Variants in ME3 observed in about 807,000 individuals in gnomAD.
ME3 encodes the protein malic enzyme 3.
In ME3, 48 loss-of-function variants were observed where a neutral mutation model predicts 68.9. The observed-to-expected ratio is 0.70, with a 90% CI of 0.55 to 0.89. The LOEUF is 0.89. Ranked by LOEUF, ME3 falls within the 40% of genes least tolerant of loss-of-function variation. The probability of loss-of-function intolerance (pLI) is 0.00; values close to 1 mark genes in which losing one functional copy is unlikely to be tolerated. For synonymous variants in ME3, 320 were observed against 318.8 expected (o/e 1.00, Z -0.04); for missense variants, 675 against 797.4 (o/e 0.85, Z 1.85).
chr11:86,505,226 G>C (rs1297680744), intron 5 of ME3, among the ~76,000 whole-genome samples: 1 of 149,744 alleles, frequency 6.7e-6, no homozygotes, highest in Non-Finnish European at 1.5e-5. Flanking sequence ...CTGTGGCTTG[G>C]AAATTCTAAA....
rs1406196751 is a variant in ME3 at position 86,630,953 on chromosome 11, G to A, written c.183+40809C>T. On this transcript the variant is annotated intron_variant, in intron 2 of 14. Coordinates refer to ENST00000543262, the Ensembl canonical transcript of ME3. ...GGGCAGGTGGTTAGATGGTGTTTGTGGAAGTCTCATTTCCGATGGAGGCGG... is the reference window on the plus strand; with the variant it reads ...GGGCAGGTGGTTAGATGGTGTTTGTAGAAGTCTCATTTCCGATGGAGGCGG... Among the ~76,000 whole-genome samples the A allele has an allele frequency of 2.6e-5, 4 of 152,202 alleles. No homozygotes were observed. The South Asian group carries it at 6.2e-4, about 24-fold the overall frequency.
intron 7 of ME3, among the ~76,000 whole-genome samples, chr11:86,483,619 G>A (rs937862151): frequency 6.6e-6 from 1 of 152,118 alleles, no homozygotes; most frequent in Non-Finnish European, 1.5e-5. Context: ...CTAAAAAGTA[G>A]ATGACTTTTT....
intron 2 of ME3, among the ~76,000 whole-genome samples, chr11:86,646,795 C>T (rs1945047191): frequency 6.6e-6 from 1 of 151,980 alleles, no homozygotes; most frequent in Admixed American, 6.6e-5. Context: ...TTAAGGGCAG[C>T]CAGAGGGAAA....
At chr11:86,487,193 AG>A (rs1180402193) in intron 7 of ME3, 143 bp downstream of exon 7, 2 of 667,980 alleles carry the variant, frequency 3.0e-6, no homozygotes, top group Non-Finnish European at 5.3e-6. Context: ...TATCACTCCT[AG>A]GGGTCAAGTT....
intron 2 of ME3, among the ~76,000 whole-genome samples, chr11:86,569,657 T>C (rs75018112): frequency 0.058 from 8,882 of 152,298 alleles, 394 homozygotes; most frequent in African/African-American, 0.13. Flanking sequence ...TTTTATTGGA[T>C]ACCCACTAGG....
intron 2 of ME3, among the ~76,000 whole-genome samples, chr11:86,574,413 G>GCA (rs1957976305): frequency 6.7e-5 from 5 of 75,138 alleles, no homozygotes; most frequent in Admixed American, 1.4e-4. Flanking sequence ...GGGGGGGGGT[G>GCA]TCTTTTTTGT....
chr11:86,440,009 T>C (rs1948928024), downstream of ME3, among the ~76,000 whole-genome samples: 3 of 152,138 alleles, frequency 2.0e-5, no homozygotes, highest in Non-Finnish European at 1.5e-5. Flanking sequence ...AGGAAGCAGT[T>C]CTTGGAAGAA....
intron 7 of ME3, among the ~76,000 whole-genome samples, chr11:86,474,589 T>C (rs1228973453): frequency 6.6e-6 from 1 of 152,214 alleles, no homozygotes; most frequent in East Asian, 1.9e-4. Context: ...GGCTTCAGCA[T>C]GTATGTCAGC....
intron 7 of ME3, among the ~76,000 whole-genome samples, chr11:86,482,936 A>G (rs912420297): frequency 4.6e-5 from 7 of 152,208 alleles, no homozygotes; most frequent in Non-Finnish European, 8.8e-5. Flanking sequence ...ATCAAGAGCA[A>G]ATAAAATGTT....
At chr11:86,534,075 G>GTATA (rs1955467182) in intron 4 of ME3, among the ~76,000 whole-genome samples, 1 of 38,238 alleles carries the variant, frequency 2.6e-5, no homozygotes, top group Non-Finnish European at 8.2e-5. Context: ...AGGTGTGTGT[G>GTATA]TGTGTGTATA....
chr11:86,594,241 A>G (rs1382550327), intron 2 of ME3, among the ~76,000 whole-genome samples: 2 of 146,864 alleles, frequency 1.4e-5, no homozygotes, highest in Admixed American at 7.2e-5. Flanking sequence ...ATTTTCACCA[A>G]TGCTGAGTAT....
chr11:86,592,230 T>C (rs1959104483), intron 2 of ME3, among the ~76,000 whole-genome samples: 1 of 152,234 alleles, frequency 6.6e-6, no homozygotes, highest in Non-Finnish European at 1.5e-5. Flanking sequence ...TGAACAAGAA[T>C]GTCCCTGGGT....
intron 2 of ME3, among the ~76,000 whole-genome samples, chr11:86,634,179 G>A (rs1225749609): frequency 6.6e-6 from 1 of 152,136 alleles, no homozygotes; most frequent in Non-Finnish European, 1.5e-5. Flanking sequence ...ACCTGAGAGG[G>A]GTGTTCAGGG....
chr11:86,530,057 G>T (rs1029977195), intron 4 of ME3, among the ~76,000 whole-genome samples: 1 of 152,192 alleles, frequency 6.6e-6, no homozygotes, highest in Non-Finnish European at 1.5e-5. Context: ...AAAAGAGGAC[G>T]TCAAATTGTC....
At chr11:86,509,062 G>A (rs1025216066) in intron 4 of ME3, among the ~76,000 whole-genome samples, 195 bp from the exon 5 acceptor site, 3 of 152,234 alleles carry the variant, frequency 2.0e-5, no homozygotes, top group African/African-American at 7.2e-5. Context: ...CACAGGGCAA[G>A]GAGTCCATGG....
chr11:86,520,543 GC>G (rs1432693647), intron 4 of ME3, among the ~76,000 whole-genome samples: 14 of 86,706 alleles, frequency 1.6e-4, no homozygotes, highest in Admixed American at 1.6e-3. Context: ...GCCCAGAATG[GC>G]TAATTCACAG....
intron 2 of ME3, among the ~76,000 whole-genome samples, chr11:86,617,058 T>G (rs1040566926): frequency 1.3e-4 from 18 of 137,106 alleles, no homozygotes; most frequent in African/African-American, 3.5e-4. Context: ...TTTTTTTTTT[T>G]TTTTTTTTTT....
chr11:86,584,077 G>A (rs1295338509), intron 2 of ME3, among the ~76,000 whole-genome samples: 1 of 152,158 alleles, frequency 6.6e-6, no homozygotes, highest in Admixed American at 6.5e-5. Flanking sequence ...TTGATAAGGA[G>A]TTAATTTCCA....
chr11:86,469,007 T>C lies in ME3; in HGVS notation c.810-3807A>G, dbSNP rs78627769. 5.3e-4 allele frequency among the ~76,000 whole-genome samples: 81 copies of C among 152,266 alleles called. No homozygotes were observed. In the East Asian group the frequency reaches 0.015, roughly 29 times the overall value. On this transcript the variant is annotated intron_variant, in intron 7 of 14. Transcript: ENST00000543262. Reference sequence around the variant, plus strand: ...TGGTGGAGCTGGAATTTAAATCTGGTTCTGTCTGACTCAAGAACCAGCTTC... The same window carrying C: ...TGGTGGAGCTGGAATTTAAATCTGGCTCTGTCTGACTCAAGAACCAGCTTC...
Sources: gnomAD v4.1 joint callset for allele counts (sites outside exome capture counted in the v4.1 genomes callset) on GRCh38, gnomAD v4.1.1 for gene constraint, MANE v1.5 for transcripts, NCBI Gene and HGNC (gene_info 2026-07-23, HGNC 2026-07-21) for gene names.